ZNF484: variants seen among roughly 807,000 people sequenced by gnomAD.
The protein encoded by ZNF484 is KRAB box containing C2H2 type zinc finger bA526D8.4.
ZNF484 carries 11 observed loss-of-function variants against 12.9 expected under a neutral mutation model. The observed-to-expected ratio is 0.85, with a 90% CI of 0.54 to 1.41. The LOEUF is 1.41. Among genes scored for constraint, ZNF484 ranks in the 40% most tolerant of loss-of-function variants. ZNF484 has a pLI of 0.00. For missense variants in ZNF484, 807 were observed against 1,007.7 expected (o/e 0.80, Z 2.70); for synonymous variants, 289 against 334.1 (o/e 0.86, Z 1.47).
intron 2 of ZNF484, among the ~76,000 whole-genome samples, chr9:92,874,236 CAAGTA>C (rs1406558029): frequency 3.3e-5 from 5 of 151,856 alleles, no homozygotes; most frequent in East Asian, 1.9e-4. Flanking sequence ...AATTCAAATG[CAAGTA>C]AAGTGTCAGA....
At chr9:92,852,294 T>G (rs1375477050) in intron 4 of ZNF484, among the ~76,000 whole-genome samples, 2 of 152,148 alleles carry the variant, frequency 1.3e-5, no homozygotes, top group Non-Finnish European at 2.9e-5. Flanking sequence ...TTTGTTTTTG[T>G]TTTTGTTTTT....
intron 2 of ZNF484, among the ~76,000 whole-genome samples, chr9:92,864,072 A>C (rs953603205): frequency 6.6e-6 from 1 of 152,166 alleles, no homozygotes; most frequent in African/African-American, 2.4e-5. Context: ...AAAAAAGCAA[A>C]AGACAGATAA....
intron 2 of ZNF484, among the ~76,000 whole-genome samples, chr9:92,861,609 G>T (rs10124671): frequency 6.6e-6 from 1 of 151,912 alleles, no homozygotes; most frequent in African/African-American, 2.4e-5. Flanking sequence ...AAATTATCCA[G>T]TCTGAACAAT....
intron 2 of ZNF484, among the ~76,000 whole-genome samples, chr9:92,861,790 A>C (rs1856794346): frequency 6.6e-6 from 1 of 152,234 alleles, no homozygotes; most frequent in Non-Finnish European, 1.5e-5. Context: ...TAATAGCTGA[A>C]AACCTCCCAA....
chr9:92,872,751 C>T (rs1857533735), intron 2 of ZNF484, among the ~76,000 whole-genome samples: 1 of 150,062 alleles, frequency 6.7e-6, no homozygotes, highest in South Asian at 2.1e-4. Context: ...CCCATGTTGG[C>T]CTTCTAAAAT....
At chr9:92,862,662 G>A (rs1399805969) in intron 2 of ZNF484, among the ~76,000 whole-genome samples, 5 of 152,150 alleles carry the variant, frequency 3.3e-5, no homozygotes, top group Non-Finnish European at 7.3e-5. Context: ...AGGTATGCTG[G>A]CATGAGATCA....
At chr9:92,853,655 A>G (rs1475285711) in intron 4 of ZNF484, among the ~76,000 whole-genome samples, 2 of 152,238 alleles carry the variant, frequency 1.3e-5, no homozygotes, top group East Asian at 3.8e-4. Context: ...CCTGCCTCTA[A>G]ATGTCCATGA....
chr9:92,857,218 T>C (rs1483462729), intron 2 of ZNF484, among the ~76,000 whole-genome samples: 3 of 152,056 alleles, frequency 2.0e-5, no homozygotes, highest in Non-Finnish European at 4.4e-5. Flanking sequence ...TAGCAAGAAA[T>C]ATAGGGGCTA....
rs56121719 is a variant in ZNF484, at chr9:92,856,323, T to TA, written c.16-6dup. Reference sequence around the variant, plus strand: ...GTCCTTGAATGACACTGATTCCTGTTAAAAAAAAAAAACAAACTTTAAAAT... The same window carrying TA: ...GTCCTTGAATGACACTGATTCCTGTTAAAAAAAAAAAAACAAACTTTAAAAT... On this transcript the variant is annotated splice_region_variant and splice_polypyrimidine_tract_variant and intron_variant, in intron 2 of 4. Transcript: ENST00000375495. 354,958 of 1,295,054 alleles carry TA rather than the reference T, an allele frequency of 0.27. 14,536 individuals carry two copies. Among genetic ancestry groups the TA allele is most frequent in the African/African-American group, 0.39 (25,256 of 65,126 alleles). The allele number at this position is 1,295,054 out of a possible 1,614,324, so 80.2% of individuals were successfully genotyped here. A position where few individuals can be genotyped will look rare whatever the true frequency, so the allele number is the denominator to read the frequency against.
intron 2 of ZNF484, among the ~76,000 whole-genome samples, chr9:92,866,996 T>TG (rs987061128): frequency 2.0e-5 from 3 of 150,692 alleles, no homozygotes; most frequent in African/African-American, 4.9e-5. Context: ...TATCAAGGGG[T>TG]GGGGGGATAA....
intron 2 of ZNF484, among the ~76,000 whole-genome samples, chr9:92,857,002 G>C (rs369510960): frequency 2.0e-5 from 3 of 152,212 alleles, no homozygotes; most frequent in East Asian, 3.9e-4. Context: ...GGGATTACAG[G>C]CATGAGCCAC....
intron 4 of ZNF484, among the ~76,000 whole-genome samples, chr9:92,854,931 T>C (rs966566026): frequency 1.3e-5 from 2 of 152,136 alleles, no homozygotes; most frequent in Non-Finnish European, 2.9e-5. Context: ...CAGTACCATT[T>C]CTACAAATTA....
At position 92,846,915 on chromosome 9, in the gene ZNF484, G is replaced by A. The variant is rs758876553; in HGVS notation, c.1872C>T (p.His624=). The A allele has an allele frequency of 2.6e-5, 42 of 1,612,944 alleles. No individual in the cohort carries two copies. Among genetic ancestry groups the A allele is most frequent in the East Asian group, 1.6e-4 (7 of 44,748 alleles). The change falls in exon 5 of 5, where the codon CAC becomes CAT. Residue 624 remains histidine (H), a synonymous_variant. Coordinates refer to ENST00000375495, the MANE Select transcript of ZNF484 (RefSeq NM_031486.4). ...CTCCTGTGTGAATCTGCTGATGTAC[G>A]TGGAGCTGTGATTTCTTAGTGAAGG... ...GKSFTKKSQL[H]VHQQIHTGEK... is the part of the protein sequence containing the mutation.
At chr9:92,851,033 TATTAAGCTTGTAGCCAAG>T (rs1856043221) in intron 4 of ZNF484, among the ~76,000 whole-genome samples, 2 of 152,240 alleles carry the variant, frequency 1.3e-5, no homozygotes, top group Admixed American at 1.3e-4. Context: ...TCCTTCACAA[TATTAAGCTTGTAGCCAAG>T]CACATGGCTG....
chr9:92,868,952 C>T (rs1005549979), intron 2 of ZNF484, among the ~76,000 whole-genome samples: 1 of 152,106 alleles, frequency 6.6e-6, no homozygotes, highest in South Asian at 2.1e-4. Flanking sequence ...TCTCAAATTC[C>T]TGGCCTCAAG....
At chr9:92,873,738 A>G (rs1857602378) in intron 2 of ZNF484, among the ~76,000 whole-genome samples, 1 of 152,208 alleles carries the variant, frequency 6.6e-6, no homozygotes, top group African/African-American at 2.4e-5. Flanking sequence ...AACTATACAC[A>G]ATCTCTGGCA....
chr9:92,869,606 A>G (rs1326610661), intron 2 of ZNF484, among the ~76,000 whole-genome samples: 5 of 152,236 alleles, frequency 3.3e-5, no homozygotes, highest in Non-Finnish European at 5.9e-5. Flanking sequence ...GATGGAGGGT[A>G]CATGAGAAAT....
chr9:92,852,511 T>TG (rs1287890219), intron 4 of ZNF484, among the ~76,000 whole-genome samples: 1 of 144,384 alleles, frequency 6.9e-6, no homozygotes, highest in African/African-American at 2.6e-5. Flanking sequence ...ATTACAGGCG[T>TG]GAGCCACCAC....
chr9:92,876,540 G>A (rs1481573479), intron 1 of ZNF484, among the ~76,000 whole-genome samples: 1 of 152,126 alleles, frequency 6.6e-6, no homozygotes, highest in Non-Finnish European at 1.5e-5. Flanking sequence ...TGCAATGAAA[G>A]TAAAAACAAG....
Sources: gnomAD v4.1 joint callset for allele counts (sites outside exome capture counted in the v4.1 genomes callset) on GRCh38, gnomAD v4.1.1 for gene constraint, MANE v1.5 for transcripts, NCBI Gene and HGNC (gene_info 2026-07-23, HGNC 2026-07-21) for gene names.